The following DPYSL4 variants were observed in gnomAD, a reference collection of about 807,000 sequenced individuals.
DPYSL4 encodes the protein dihydropyrimidinase-related protein 4.
In DPYSL4, 43 loss-of-function variants were observed where a neutral mutation model predicts 63.4. The ratio of observed to expected loss-of-function variants is 0.68; its 90% CI spans 0.53 to 0.88. The LOEUF (loss-of-function observed/expected upper bound fraction) is 0.88. Among genes scored for constraint, DPYSL4 ranks in the 40% least tolerant of loss-of-function variants. The pLI is 0.00. For synonymous variants in DPYSL4, 353 were observed against 331.7 expected, an observed-to-expected ratio of 1.06 and a Z score of -0.70; for missense variants, 733 against 819.5, an observed-to-expected ratio of 0.89 and a Z score of 1.29.
rs758480032 is a variant in DPYSL4 at position 132,200,873 on chromosome 10, T to C, written c.1000T>C (p.Cys334Arg). The C allele has an allele frequency of 3.1e-6, 5 of 1,613,076 alleles. No individual in the cohort carries two copies. In the South Asian group the frequency reaches 3.3e-5, roughly 11 times the overall value. The change falls in exon 10 of 14, where the codon TGC (cysteine) becomes CGC (arginine). Residue 334 changes from cysteine to arginine, a missense_variant. By Grantham distance (180) the Cys-to-Arg change is radical. Coordinates refer to ENST00000338492, the MANE Select transcript of DPYSL4 (RefSeq NM_006426.3). ...GDLQVTGSAH[C>R]TFTTAQKAVG... Reference sequence around the variant, plus strand: ...CCTCCAGGTGACAGGCAGCGCCCACTGCACCTTCACCACTGCCCAGAAGGC... The same window carrying C: ...CCTCCAGGTGACAGGCAGCGCCCACCGCACCTTCACCACTGCCCAGAAGGC...
intron 9 of DPYSL4, 105 bp downstream of exon 9, chr10:132,200,617 C>T (rs978800543): frequency 1.4e-6 from 2 of 1,473,960 alleles, no homozygotes; most frequent in South Asian, 1.3e-5. Context: ...CATAGGGCAG[C>T]CCGGACAGTG....
chr10:132,198,453 C>G lies in DPYSL4; in HGVS notation c.660C>G (p.Pro220=). The part of the protein sequence containing the change: ...KRLLELGITG[P]EGHVLSHPEE... The stretch of plus-strand genomic sequence containing the variant: ...TGCTGGAGCTCGGCATCACTGGCCC[C>G]GAGGGCCACGTGCTCAGCCACCCCG... The change falls in exon 7 of 14, where the codon CCC becomes CCG. Residue 220 remains proline (P), a synonymous_variant. Coordinates refer to ENST00000338492, the MANE Select transcript of DPYSL4 (RefSeq NM_006426.3). The G allele has an allele frequency of 6.2e-7, 1 of 1,606,674 alleles. No individual in the cohort carries two copies. The highest frequency in any genetic ancestry group is 8.5e-7 in the Non-Finnish European group (1 of 1,178,356).
chr10:132,192,445 G>T (rs1427918999), intron 2 of DPYSL4: 3 of 1,237,914 alleles, frequency 2.4e-6, no homozygotes, highest in African/African-American at 3.1e-5. Context: ...TCTGCGTGAG[G>T]CTGGACCCTG....
intron 3 of DPYSL4, among the ~76,000 whole-genome samples, chr10:132,193,056 T>C (rs1333233481): frequency 1.3e-5 from 2 of 152,074 alleles, no homozygotes; most frequent in Non-Finnish European, 2.9e-5. Context: ...GCTCCTGGGA[T>C]TTCCAGGACT....
At chr10:132,187,931 C>T (rs1437726603) in intron 1 of DPYSL4, among the ~76,000 whole-genome samples, 6 of 152,274 alleles carry the variant, frequency 3.9e-5, no homozygotes, top group Non-Finnish European at 7.4e-5. Context: ...GGGTCCCAGA[C>T]CCGACTCTGG....
intron 11 of DPYSL4, 58 bp downstream of exon 11, chr10:132,202,174 A>G: frequency 6.4e-7 from 1 of 1,572,128 alleles, no homozygotes; most frequent in East Asian, 2.2e-5. Context: ...ACCCCAGGGC[A>G]GCCTTCCCAG....
intron 4 of DPYSL4, among the ~76,000 whole-genome samples, chr10:132,195,336 A>G (rs1313154815): frequency 6.6e-6 from 1 of 152,244 alleles, no homozygotes. Context: ...GGATCCTTTC[A>G]GAGGGAGACC....
rs1238307119 is a variant in DPYSL4 at position 132,187,035 on chromosome 10, C to A, written c.-29C>A. ...CCCGCCCGCCCGCCCCCGCTTGTGC[C>A]GCCCCTACCAGAGACCCCCAGGAGC... On this transcript the variant is annotated 5_prime_UTR_variant, in exon 1 of 14. Coordinates refer to ENST00000338492, the MANE Select transcript of DPYSL4 (RefSeq NM_006426.3). 1.8e-5 allele frequency: 21 copies of A among 1,172,338 alleles called. No homozygotes were observed. Among genetic ancestry groups the A allele is most frequent in the Non-Finnish European group, 2.4e-5 (21 of 888,926 alleles). 72.6% of individuals were successfully genotyped at this position (1,172,338 alleles called of 1,614,324 possible).
Position 132,200,497 on chromosome 10 carries a change from C to T in DPYSL4, c.953C>T (p.Thr318Ile), listed in dbSNP as rs1398044644. 6.2e-7 allele frequency: 1 copy of T among 1,613,048 alleles called. No homozygotes were observed. The highest frequency in any genetic ancestry group is 1.7e-5 in the Admixed American group (1 of 60,002). Residue 318 changes from threonine (T) to isoleucine (I), a missense_variant, in exon 9 of 14, where the codon ACC (threonine) becomes ATC (isoleucine). By Grantham distance (89) the Thr-to-Ile change is moderately conservative. Coordinates refer to ENST00000338492, the MANE Select transcript of DPYSL4 (RefSeq NM_006426.3). ...GACCCCACCACGGCGGACCACCTCACCTGCTTGCTGTCCAGGTAAGCAGCC... is the reference window on the plus strand; with the variant it reads ...GACCCCACCACGGCGGACCACCTCATCTGCTTGCTGTCCAGGTAAGCAGCC... Reference protein sequence around the residue: ...NPDPTTADHLTCLLSSGDLQV... With the variant: ...NPDPTTADHLICLLSSGDLQV...
intron 11 of DPYSL4, 100 bp downstream of exon 11, chr10:132,202,216 C>A: frequency 6.9e-7 from 1 of 1,451,502 alleles, no homozygotes; most frequent in Non-Finnish European, 9.2e-7. Context: ...CACGTGGCAG[C>A]AGCAGTGGCC....
chr10:132,194,814 G>C, intron 3 of DPYSL4, 31 bp from the exon 4 acceptor site: 1 of 1,603,848 alleles, frequency 6.2e-7, no homozygotes, highest in Non-Finnish European at 8.5e-7. Context: ...GGGACCAGTG[G>C]GGGAAGCTGC....
chr10:132,201,101 C>T, intron 10 of DPYSL4, 118 bp downstream of exon 10: 2 of 1,417,046 alleles, frequency 1.4e-6, no homozygotes, highest in Admixed American at 4.8e-5. Context: ...GATCAGAGCA[C>T]ACGGGCTCCG....
intron 4 of DPYSL4, 49 bp from the exon 5 acceptor site, chr10:132,196,812 G>A (rs1232854198): frequency 1.8e-5 from 29 of 1,605,148 alleles, no homozygotes; most frequent in Non-Finnish European, 2.3e-5. Flanking sequence ...GGCTCCGTAG[G>A]TTGTCTGACT....
chr10:132,197,026 C>T lies in DPYSL4; in HGVS notation c.546C>T (p.Tyr182=), dbSNP rs374798960. 1.8e-5 allele frequency: 29 copies of T among 1,607,094 alleles called. No individual in the cohort carries two copies. The highest frequency in any genetic ancestry group is 2.7e-5 in the African/African-American group (2 of 74,874). Residue 182 remains tyrosine, a synonymous_variant, in exon 6 of 14, where the codon TAC becomes TAT. Coordinates refer to ENST00000338492, the MANE Select transcript of DPYSL4 (RefSeq NM_006426.3). ...DRCQCSDSQM[Y]EIFSIIRDLG... is the part of the protein sequence containing the mutation. The stretch of plus-strand genomic sequence containing the variant: ...GCCACCACTTCTCTTCCCAGATGTA[C>T]GAGATCTTCAGCATCATCCGGGACC...
rs112741120 is a variant in DPYSL4, at chr10:132,198,729, G to A, written c.691-122G>A. 2,218 of 1,444,856 alleles carry A rather than the reference G, an allele frequency of 1.5e-3. 30 individuals are homozygous for A. The African/African-American group carries it at 0.026, about 17-fold the overall frequency. 89.5% of individuals were successfully genotyped at this position (1,444,856 alleles called of 1,614,324 possible). A position where few individuals can be genotyped will look rare whatever the true frequency, so the allele number is the denominator to read the frequency against. The stretch of plus-strand genomic sequence containing the variant: ...CAGGCACTGAGCCCGAGGCTGGGCC[G>A]CTCCTACTAGGCTGCCCTGAGCCTG... On this transcript the variant is annotated intron_variant, in intron 7 of 13. Transcript: ENST00000338492.
intron 8 of DPYSL4, among the ~76,000 whole-genome samples, chr10:132,199,607 C>T (rs891749745): frequency 1.3e-5 from 2 of 149,686 alleles, no homozygotes; most frequent in African/African-American, 5.0e-5. Flanking sequence ...GTTTCCCCTC[C>T]TCCTGCTGTC....
At chr10:132,187,648 G>T (rs1379932486) in intron 1 of DPYSL4, among the ~76,000 whole-genome samples, 1 of 152,206 alleles carries the variant, frequency 6.6e-6, no homozygotes, top group Non-Finnish European at 1.5e-5. Flanking sequence ...ATTTAGCCCC[G>T]GCCGCTCTGG....
rs968559619 is a variant in DPYSL4, at chr10:132,192,591, T to C, written c.129-67T>C. ...ATGCAAACCCTTTAGCTCTGCTGCATTGCTGGGAGCCCATCTGGGCTCTGA... is the reference window on the plus strand; with the variant it reads ...ATGCAAACCCTTTAGCTCTGCTGCACTGCTGGGAGCCCATCTGGGCTCTGA... On this transcript the variant is annotated intron_variant, in intron 2 of 13. Transcript: ENST00000338492. 2.6e-6 allele frequency: 4 copies of C among 1,518,764 alleles called. No homozygotes were observed. In the African/African-American group the frequency reaches 4.2e-5, roughly 16 times the overall value. The allele number at this position is 1,518,764 out of a possible 1,614,324, so 94.1% of individuals were successfully genotyped here.
At position 132,204,944 on chromosome 10, in the gene DPYSL4, G is replaced by GCCA. The variant is rs746112491; in HGVS notation, c.*16_*17insACC. On this transcript the variant is annotated 3_prime_UTR_variant, in exon 14 of 14. Coordinates refer to ENST00000338492, the MANE Select transcript of DPYSL4 (RefSeq NM_006426.3). Reference sequence around the variant, plus strand: ...TCTCTCTCCTAGACGCCCAGGACCGGCCCTGTGAGCCGTGCTGGCCCCACC... The same window carrying GCCA: ...TCTCTCTCCTAGACGCCCAGGACCGGCCACCCTGTGAGCCGTGCTGGCCCCACC... 2 of 1,570,432 alleles carry GCCA rather than the reference G, an allele frequency of 1.3e-6. No individual in the cohort carries two copies. Among genetic ancestry groups the GCCA allele is most frequent in the Non-Finnish European group, 8.7e-7 (1 of 1,154,090 alleles).
Sources: allele counts gnomAD v4.1 joint callset (sites outside exome capture counted in the v4.1 genomes callset), GRCh38; gene constraint gnomAD v4.1.1; transcripts MANE v1.5; gene names NCBI Gene and HGNC (gene_info 2026-07-23, HGNC 2026-07-21).